DIP2B: variants seen among roughly 807,000 people sequenced by gnomAD.
The protein encoded by DIP2B is DIP2 acetate--CoA ligase B (putative).
DIP2B carries 76 observed loss-of-function variants against 198.0 expected under a neutral mutation model. The observed-to-expected ratio is 0.38, with a 90% CI of 0.32 to 0.46. The LOEUF is 0.46. Ranked by LOEUF, DIP2B falls within the 20% of genes least tolerant of loss-of-function variation. The pLI is 0.99. For missense variants in DIP2B, 1,559 were observed against 1,978.4 expected, an observed-to-expected ratio of 0.79 and a Z score of 4.02; for synonymous variants, 701 against 739.1, an observed-to-expected ratio of 0.95 and a Z score of 0.84.
intron 2 of DIP2B, among the ~76,000 whole-genome samples, chr12:50,639,518 T>TA: frequency 6.6e-6 from 1 of 152,170 alleles, no homozygotes; most frequent in Middle Eastern, 3.4e-3. Context: ...GTTCCTGTAA[T>TA]ACTCTGATGC....
At chr12:50,665,337 TAAGC>T (rs1329590761) in intron 4 of DIP2B, among the ~76,000 whole-genome samples, 1 of 152,204 alleles carries the variant, frequency 6.6e-6, no homozygotes, top group African/African-American at 2.4e-5. Context: ...GATAAGGAAA[TAAGC>T]AAGTTCATAG....
Position 50,714,190 on chromosome 12 carries a change from A to G in DIP2B, c.2650-205A>G, listed in dbSNP as rs542273718. 2.6e-5 allele frequency among the ~76,000 whole-genome samples: 4 copies of G among 152,346 alleles called. No individual in the cohort carries two copies. The South Asian group carries it at 8.3e-4, about 32-fold the overall frequency. On this transcript the variant is annotated intron_variant, in intron 22 of 37. Transcript: ENST00000301180. Reference sequence around the variant, plus strand: ...ATTGTATCTTACCTCTCTTCTTTTAATCTCTGCCACAGCTGAAAGATGTGT... The same window carrying G: ...ATTGTATCTTACCTCTCTTCTTTTAGTCTCTGCCACAGCTGAAAGATGTGT...
At chr12:50,572,651 C>T (rs191745708) in intron 1 of DIP2B, among the ~76,000 whole-genome samples, 2 of 152,270 alleles carry the variant, frequency 1.3e-5, no homozygotes, top group African/African-American at 4.8e-5. Flanking sequence ...CCACCTTTGC[C>T]ATATCCCAGA....
In DIP2B at chr12:50,545,368, T is replaced by TTCCTCTCCCC. The variant is rs980499442; in HGVS notation, c.100+40142_100+40151dup. On this transcript the variant is annotated intron_variant, in intron 1 of 37. Coordinates refer to ENST00000301180, the MANE Select transcript of DIP2B (RefSeq NM_173602.3). ...CCTCCTTCTTTCTTTCTTCCTTTCC[T>TTCCTCTCCCC]TCCTCTCCCCTCCTCTCCCCTCCCT... is the stretch of plus-strand genomic sequence containing the variant. 5.7e-5 allele frequency among the ~76,000 whole-genome samples: 7 copies of TTCCTCTCCCC among 123,240 alleles called. No homozygotes were observed. The East Asian group carries it at 8.5e-4, about 15-fold the overall frequency. The allele number at this position is 123,240 out of a possible 152,430, so 80.9% of individuals were successfully genotyped here.
In DIP2B at chr12:50,509,147, T is replaced by G. The variant is rs61378332; in HGVS notation, c.100+3907T>G. ...CTGGTAGCTTTTAAGAAGCTCTGAG[T>G]CTGCCAGGGAAATCATTGAAAACTG... On this transcript the variant is annotated intron_variant, in intron 1 of 37. Transcript: ENST00000301180. Among the ~76,000 whole-genome samples, 1,130 of 152,302 alleles carry G rather than the reference T, an allele frequency of 7.4e-3. 14 individuals carry two copies. The highest frequency in any genetic ancestry group is 0.026 in the African/African-American group (1,065 of 41,560).
At chr12:50,655,524 A>G (rs1246906681) in intron 3 of DIP2B, among the ~76,000 whole-genome samples, 1 of 152,220 alleles carries the variant, frequency 6.6e-6, no homozygotes, top group Non-Finnish European at 1.5e-5. Context: ...GAACCTAACT[A>G]TGTGAACTAT....
intron 1 of DIP2B, among the ~76,000 whole-genome samples, chr12:50,576,917 G>A (rs1191386563): frequency 6.6e-6 from 1 of 151,938 alleles, no homozygotes; most frequent in Admixed American, 6.6e-5. Flanking sequence ...AGGCTGGAGT[G>A]CAGTGGCACA....
chr12:50,700,363 AT>A (rs1325458885), intron 19 of DIP2B, among the ~76,000 whole-genome samples: 1 of 152,200 alleles, frequency 6.6e-6, no homozygotes, highest in African/African-American at 2.4e-5. Context: ...GACGAGAGAA[AT>A]TCAGGTGGCA....
chr12:50,571,709 C>T (rs529574416), intron 1 of DIP2B, among the ~76,000 whole-genome samples: 9 of 152,008 alleles, frequency 5.9e-5, no homozygotes, highest in South Asian at 2.1e-4. Context: ...TGTGCCACCA[C>T]GCCTGGCTAA....
chr12:50,555,618 C>T (rs952778574), intron 1 of DIP2B, among the ~76,000 whole-genome samples: 3 of 152,076 alleles, frequency 2.0e-5, no homozygotes, highest in South Asian at 4.1e-4. Context: ...CACTTTTTAT[C>T]TGCCTTTTAT....
At chr12:50,710,227 C>T (rs1422165876) in intron 22 of DIP2B, among the ~76,000 whole-genome samples, 1 of 152,182 alleles carries the variant, frequency 6.6e-6, no homozygotes, top group African/African-American at 2.4e-5. Flanking sequence ...ATAGTAGGCT[C>T]AGTAAATATT....
chr12:50,654,153 C>T lies in DIP2B; in HGVS notation c.302-6041C>T, dbSNP rs372117015. ...CCTCCCAAAGTGCTGGGATTACAAG[C>T]GTGAACCACCACGCCCAGCACCTTC... is the stretch of plus-strand genomic sequence containing the variant. On this transcript the variant is annotated intron_variant, in intron 3 of 37. Transcript: ENST00000301180. 5.9e-5 allele frequency among the ~76,000 whole-genome samples: 9 copies of T among 152,208 alleles called. No individual in the cohort carries two copies. In the South Asian group the frequency reaches 1.9e-3, roughly 32 times the overall value.
chr12:50,659,349 T>C (rs577864357), intron 3 of DIP2B, among the ~76,000 whole-genome samples: 1 of 152,196 alleles, frequency 6.6e-6, no homozygotes, highest in Non-Finnish European at 1.5e-5. Context: ...ATATTTACTT[T>C]ACAGAGCGGT....
intron 12 of DIP2B, among the ~76,000 whole-genome samples, chr12:50,687,810 T>G (rs1939157098): frequency 6.6e-6 from 1 of 151,310 alleles, no homozygotes; most frequent in Admixed American, 6.6e-5. Context: ...GATGACGAGT[T>G]GATAGGTACA....
chr12:50,744,447 T>TA, intron 37 of DIP2B, 140 bp from the exon 38 acceptor site: 1 of 1,085,632 alleles, frequency 9.2e-7, no homozygotes, highest in Non-Finnish European at 1.3e-6. Context: ...AAAGGTGTCA[T>TA]ATATGGTAGA....
At chr12:50,718,923 C>T (rs1447760890) in intron 24 of DIP2B, 32 bp from the exon 25 acceptor site, 1 of 1,613,836 alleles carries the variant, frequency 6.2e-7, no homozygotes, top group South Asian at 1.1e-5. Context: ...AAGTTGCTGA[C>T]CCTGAGTCCT....
At chr12:50,514,509 C>T (rs1035277702) in intron 1 of DIP2B, among the ~76,000 whole-genome samples, 11 of 152,148 alleles carry the variant, frequency 7.2e-5, no homozygotes, top group Non-Finnish European at 1.2e-4. Context: ...TCTTCCTGTT[C>T]GAAGGTCTGT....
intron 1 of DIP2B, among the ~76,000 whole-genome samples, chr12:50,582,018 T>TG: frequency 6.6e-6 from 1 of 152,154 alleles, no homozygotes; most frequent in Non-Finnish European, 1.5e-5. Flanking sequence ...GCCCTGGACC[T>TG]GGGCAGGCCT....
At chr12:50,625,252 A>G (rs981580760) in intron 1 of DIP2B, among the ~76,000 whole-genome samples, 1 of 151,520 alleles carries the variant, frequency 6.6e-6, no homozygotes, top group Admixed American at 6.6e-5. Context: ...CCTACTCTCT[A>G]CTCATTTATC....
Sources: allele counts gnomAD v4.1 joint callset (sites outside exome capture counted in the v4.1 genomes callset), GRCh38; gene constraint gnomAD v4.1.1; transcripts MANE v1.5; gene names NCBI Gene and HGNC (gene_info 2026-07-23, HGNC 2026-07-21).